SYT4: variants seen among roughly 807,000 people sequenced by gnomAD.
The protein encoded by SYT4 is synaptotagmin 4.
Under a neutral mutation model 32.9 loss-of-function variants are expected in SYT4, and 7 were observed. That is an observed-to-expected ratio of 0.21 (90% CI 0.12 to 0.40). The LOEUF (loss-of-function observed/expected upper bound fraction) is 0.40. Ranked by LOEUF, SYT4 falls within the 10% of genes least tolerant of loss-of-function variation. SYT4 has a pLI of 1.00. For synonymous variants in SYT4, 205 were observed against 186.2 expected (o/e 1.10, Z -0.82); for missense variants, 480 against 488.0 (o/e 0.98, Z 0.16).
chr18:43,272,742 C>T (rs553005616), intron 2 of SYT4, among the ~76,000 whole-genome samples: 1 of 152,084 alleles, frequency 6.6e-6, no homozygotes, highest in South Asian at 2.1e-4. Context: ...CTTAACCAGC[C>T]GGGTGTCTCA....
intron 2 of SYT4, 157 bp from the exon 3 acceptor site, chr18:43,271,989 C>T (rs1908644545): frequency 3.9e-6 from 3 of 761,158 alleles, no homozygotes; most frequent in East Asian, 3.6e-5. Context: ...AGCTTTTGAG[C>T]AGTACCATCG....
Position 43,269,103 on chromosome 18 carries a change from C to G in SYT4, c.*1238G>C, listed in dbSNP as rs1016119809. ...ACAGGTTCTGAATGAATTTCAGAAC[C>G]CTGGCACTGGAAAATGATACAAGAC... On this transcript the variant is annotated 3_prime_UTR_variant, in exon 4 of 4. Transcript: ENST00000255224. The G allele has an allele frequency of 1.3e-5, 2 of 151,976 alleles. No individual in the cohort carries two copies. The highest frequency in any genetic ancestry group is 4.8e-5 in the African/African-American group (2 of 41,366). 9.4% of individuals were successfully genotyped at this position (151,976 alleles called of 1,614,324 possible). A position where few individuals can be genotyped will look rare whatever the true frequency, so the allele number is the denominator to read the frequency against.
chr18:43,271,674 T>A, intron 3 of SYT4, 38 bp downstream of exon 3: 1 of 1,609,488 alleles, frequency 6.2e-7, no homozygotes, highest in Non-Finnish European at 8.5e-7. Flanking sequence ...TACATTCCAA[T>A]CATACAGTGA....
chr18:43,271,993 A>T (rs909652136), intron 2 of SYT4, 161 bp from the exon 3 acceptor site: 1 of 693,710 alleles, frequency 1.4e-6, no homozygotes, highest in South Asian at 3.0e-5. Context: ...TTTGAGCAGT[A>T]CCATCGCTGC....
chr18:43,271,770 TA>T lies in SYT4; in HGVS notation c.911del (p.Leu304GlnfsTer6). The T allele has an allele frequency of 1.2e-6, 2 of 1,613,188 alleles. No homozygotes were observed. The highest frequency in any genetic ancestry group is 1.7e-6 in the Non-Finnish European group (2 of 1,179,304). ...SLCYQSTTNTLTVVVLKARHL... is the reference protein window; with the variant it reads ...SLCYQSTTNTXTVVVLKARHL... ...GTCGAGCTTTTAAGACAACCACAGT[TA>T]GAGTGTTTGTGGTGGACTGATAGCA... On this transcript the variant is annotated frameshift_variant, in exon 3 of 4. Coordinates refer to ENST00000255224, the MANE Select transcript of SYT4 (RefSeq NM_020783.4). LOFTEE classifies it high-confidence loss of function.
Position 43,274,156 on chromosome 18 carries a change from T to C in SYT4, c.273A>G (p.Ser91=). The C allele has an allele frequency of 6.2e-7, 1 of 1,614,118 alleles. No individual in the cohort carries two copies. The highest frequency in any genetic ancestry group is 8.5e-7 in the Non-Finnish European group (1 of 1,179,958). The change falls in exon 2 of 4, where the codon TCA becomes TCG. Residue 91 remains serine, a synonymous_variant. Coordinates refer to ENST00000255224, the MANE Select transcript of SYT4 (RefSeq NM_020783.4). ...CTCTCTTTTCAAGATCCAGATGCAA[T>C]GAATTCTTTGGCACAGCTGGCTTAT... The part of the protein sequence containing the change: ...VKNKPAVPKN[S]LHLDLEKRDL...
Position 43,270,284 on chromosome 18 carries a change from A to C in SYT4, c.*57T>G. Reference sequence around the variant, plus strand: ...AAGCTTGCAATCCAATATAGAAAGAAAGAAAATTTCTCCTTGCCTAGTAAA... The same window carrying C: ...AAGCTTGCAATCCAATATAGAAAGACAGAAAATTTCTCCTTGCCTAGTAAA... On this transcript the variant is annotated 3_prime_UTR_variant, in exon 4 of 4. Transcript: ENST00000255224. 1.3e-6 allele frequency: 2 copies of C among 1,556,076 alleles called. No homozygotes were observed.
At position 43,270,311 on chromosome 18, in the gene SYT4, A is replaced by G. The variant is rs201304596; in HGVS notation, c.*30T>C. The G allele has an allele frequency of 6.3e-7, 1 of 1,590,946 alleles. No individual in the cohort carries two copies. The highest frequency in any genetic ancestry group is 1.4e-5 in the African/African-American group (1 of 73,998). ...GAAAATTTCTCCTTGCCTAGTAAAA[A>G]CCTTTAAGTTCCAACTCACGGCTAG... On this transcript the variant is annotated 3_prime_UTR_variant, in exon 4 of 4. Coordinates refer to ENST00000255224, the MANE Select transcript of SYT4 (RefSeq NM_020783.4).
chr18:43,270,494 C>T lies in SYT4; in HGVS notation c.1125G>A (p.Leu375=). 6.2e-7 allele frequency: 1 copy of T among 1,614,020 alleles called. No homozygotes were observed. Among genetic ancestry groups the T allele is most frequent in the Non-Finnish European group, 8.5e-7 (1 of 1,179,972 alleles). ...GGGACCCCCTTTCAGAATCCAAAAC[C>T]AAAAATTCAACACTTATATCTTCAA... ...EGLEDISVEF[L]VLDSERGSRN... The change falls in exon 4 of 4, where the codon TTG becomes TTA. Residue 375 remains leucine (L), a synonymous_variant. Transcript: ENST00000255224.
chr18:43,270,773 A>G, intron 3 of SYT4, 125 bp from the exon 4 acceptor site: 1 of 966,580 alleles, frequency 1.0e-6, no homozygotes, highest in Non-Finnish European at 1.5e-6. Flanking sequence ...ATAAGTCAAA[A>G]CAACAGAAAA....
At chr18:43,276,291 A>C (rs1458617115) in intron 1 of SYT4, among the ~76,000 whole-genome samples, 1 of 152,214 alleles carries the variant, frequency 6.6e-6, no homozygotes, top group Non-Finnish European at 1.5e-5. Flanking sequence ...CTCTACTGAT[A>C]AGGTCTTACA....
rs573196052 is a variant in SYT4, at chr18:43,275,771, C to G, written c.35-1377G>C. ...CTGAATCATGTAAAGATGAAATAAACCTTTGACTTCTCCAGGTGGAAAAAA... is the reference window on the plus strand; with the variant it reads ...CTGAATCATGTAAAGATGAAATAAAGCTTTGACTTCTCCAGGTGGAAAAAA... On this transcript the variant is annotated intron_variant, in intron 1 of 3. Coordinates refer to ENST00000255224, the MANE Select transcript of SYT4 (RefSeq NM_020783.4). Among the ~76,000 whole-genome samples the G allele has an allele frequency of 2.6e-5, 4 of 152,092 alleles. No homozygotes were observed. In the East Asian group the frequency reaches 5.8e-4, roughly 22 times the overall value.
rs143831295 is a variant in SYT4, at chr18:43,274,385, G to A, written c.44C>T (p.Pro15Leu). Residue 15 changes from proline (P) to leucine (L), a missense_variant, in exon 2 of 4, where the codon CCC becomes CTC. Physicochemically the swap from Pro to Leu is moderately conservative, Grantham distance 98 (BLOSUM62 -3). Transcript: ENST00000255224. ...TTSREEFDEIPTVVGIFSAFG... is the reference protein window; with the variant it reads ...TTSREEFDEILTVVGIFSAFG... ...TGCACTGAAGATCCCCACCACTGTG[G>A]GGATTTCATCTGAAAAATCAAATGA... The A allele has an allele frequency of 1.3e-6, 2 of 1,586,158 alleles. No homozygotes were observed. Among genetic ancestry groups the A allele is most frequent in the Non-Finnish European group, 1.7e-6 (2 of 1,173,592 alleles).
At chr18:43,270,722 T>TA (rs1237834118) in intron 3 of SYT4, 74 bp from the exon 4 acceptor site, 11 of 1,507,154 alleles carry the variant, frequency 7.3e-6, no homozygotes, top group Non-Finnish European at 1.0e-5. Context: ...ACAGTGCCCT[T>TA]AGAGATCATG....
chr18:43,271,773 A>C lies in SYT4; in HGVS notation c.909T>G (p.Thr303=). Residue 303 remains threonine (T), a synonymous_variant, in exon 3 of 4, where the codon ACT becomes ACG. Transcript: ENST00000255224. ...GAGCTTTTAAGACAACCACAGTTAG[A>C]GTGTTTGTGGTGGACTGATAGCAGA... The part of the protein sequence containing the change: ...ISLCYQSTTN[T]LTVVVLKARH... 1 of 1,613,260 alleles carries C rather than the reference A, an allele frequency of 6.2e-7. No individual in the cohort carries two copies.
At chr18:43,277,094 A>C in intron 1 of SYT4, 154 bp downstream of exon 1, 1 of 857,054 alleles carries the variant, frequency 1.2e-6, no homozygotes, top group South Asian at 1.8e-5. Context: ...TGCAGAAATA[A>C]GCCACAATTG....
In SYT4 at chr18:43,274,216, CT is replaced by C; in HGVS notation, c.212del (p.Lys71ArgfsTer11). 6.2e-7 allele frequency: 1 copy of C among 1,613,916 alleles called. No homozygotes were observed. Among genetic ancestry groups the C allele is most frequent in the Non-Finnish European group, 8.5e-7 (1 of 1,179,922 alleles). On this transcript the variant is annotated frameshift_variant, in exon 2 of 4. Coordinates refer to ENST00000255224, the MANE Select transcript of SYT4 (RefSeq NM_020783.4). LOFTEE classifies it high-confidence loss of function. ...DIYPENLNSK[K>X]KFGADDKNEV... ...CATTTTTATCATCTGCTCCAAACTT[CT>C]TTTTGCTATTTAGGTTTTCAGGGTA...
At position 43,270,199 on chromosome 18, in the gene SYT4, CT is replaced by C; in HGVS notation, c.*141del. 1 of 824,874 alleles carries C rather than the reference CT, an allele frequency of 1.2e-6. No homozygotes were observed. The highest frequency in any genetic ancestry group is 1.9e-6 in the Non-Finnish European group (1 of 517,852). The allele number at this position is 824,874 out of a possible 1,614,324, so 51.1% of individuals were successfully genotyped here. ...TACACATTTGAAGTTACTTTCTGGTCTACTAATTCAATCCATTTCTAGCAAC... is the reference window on the plus strand; with the variant it reads ...TACACATTTGAAGTTACTTTCTGGTCACTAATTCAATCCATTTCTAGCAAC... On this transcript the variant is annotated 3_prime_UTR_variant, in exon 4 of 4. Transcript: ENST00000255224.
intron 2 of SYT4, 172 bp from the exon 3 acceptor site, chr18:43,272,004 T>C: frequency 1.7e-6 from 1 of 593,332 alleles, no homozygotes; most frequent in Non-Finnish European, 2.5e-6. Context: ...CCATCGCTGC[T>C]TGAAAAACCA....
Sources: gnomAD v4.1 joint callset for allele counts (sites outside exome capture counted in the v4.1 genomes callset) on GRCh38, gnomAD v4.1.1 for gene constraint, MANE v1.5 for transcripts, NCBI Gene and HGNC (gene_info 2026-07-23, HGNC 2026-07-21) for gene names.